SLC22A8: variants seen among roughly 807,000 people sequenced by gnomAD.
The protein encoded by SLC22A8 is solute carrier family 22 member 8, also known as organic anion transporter 3.
SLC22A8 carries 40 observed loss-of-function variants against 48.4 expected under a neutral mutation model. That is an observed-to-expected ratio of 0.83 (90% confidence interval 0.64 to 1.08). SLC22A8 has a LOEUF of 1.08. Among genes scored for constraint, SLC22A8 ranks in the 50% least tolerant of loss-of-function variants. The pLI is 0.00. For missense variants in SLC22A8, 606 were observed against 699.0 expected, an observed-to-expected ratio of 0.87 and a Z score of 1.50; for synonymous variants, 268 against 286.3, an observed-to-expected ratio of 0.94 and a Z score of 0.65.
At chr11:63,006,348 G>A (rs770427408) in intron 2 of SLC22A8, among the ~76,000 whole-genome samples, 33 of 152,044 alleles carry the variant, frequency 2.2e-4, no homozygotes, top group African/African-American at 3.4e-4. Context: ...TGTCAATATC[G>A]TCTTTTTGGA....
chr11:63,014,963 C>A lies in SLC22A8; in HGVS notation c.-5G>T. 1 of 1,539,768 alleles carries A rather than the reference C, an allele frequency of 6.5e-7. No individual in the cohort carries two copies. Among genetic ancestry groups the A allele is most frequent in the Non-Finnish European group, 8.8e-7 (1 of 1,138,214 alleles). Reference sequence around the variant, plus strand: ...CAGGATCTCCGAGAAGGTCATGGCACTGGGGCAAGACGAGCCAGAGCTGTG... The same window carrying A: ...CAGGATCTCCGAGAAGGTCATGGCAATGGGGCAAGACGAGCCAGAGCTGTG... On this transcript the variant is annotated 5_prime_UTR_variant, in exon 2 of 11. Coordinates refer to ENST00000336232, the MANE Select transcript of SLC22A8 (RefSeq NM_004254.4).
At chr11:63,006,249 C>A (rs995104069) in intron 2 of SLC22A8, among the ~76,000 whole-genome samples, 1 of 152,194 alleles carries the variant, frequency 6.6e-6, no homozygotes, top group Non-Finnish European at 1.5e-5. Context: ...GGTTACACTA[C>A]AGAAGCTCCA....
chr11:63,002,207 G>A (rs1470325520), intron 2 of SLC22A8, among the ~76,000 whole-genome samples: 1 of 152,000 alleles, frequency 6.6e-6, no homozygotes, highest in East Asian at 1.9e-4. Flanking sequence ...ACCACATCCA[G>A]CCTCTTTTTT....
intron 2 of SLC22A8, among the ~76,000 whole-genome samples, chr11:63,009,358 A>G (rs927385423): frequency 1.3e-5 from 2 of 152,032 alleles, no homozygotes; most frequent in African/African-American, 4.8e-5. Context: ...GCCTCCTTGG[A>G]GCAGTCTTCC....
intron 2 of SLC22A8, among the ~76,000 whole-genome samples, chr11:63,014,086 TG>T (rs1203638875): frequency 1.3e-5 from 2 of 152,112 alleles, no homozygotes; most frequent in Admixed American, 6.5e-5. Context: ...CCTCCCACCT[TG>T]GGGTCTTTGC....
At chr11:63,015,666 G>A (rs1189286345) in intron 1 of SLC22A8, 63 bp downstream of exon 1, 1 of 152,902 alleles carries the variant, frequency 6.5e-6, no homozygotes, top group Non-Finnish European at 1.5e-5. Context: ...GTGGAGCCTG[G>A]CCTTGGGAGA....
At chr11:63,007,529 T>C (rs369687811) in intron 2 of SLC22A8, among the ~76,000 whole-genome samples, 2 of 152,148 alleles carry the variant, frequency 1.3e-5, no homozygotes, top group South Asian at 2.1e-4. Flanking sequence ...TTTCACCATG[T>C]TGGACTAGGC....
chr11:62,995,445 G>A, intron 7 of SLC22A8: 2 of 535,164 alleles, frequency 3.7e-6, no homozygotes, highest in Non-Finnish European at 3.3e-6. Flanking sequence ...AGCTGGGGAA[G>A]GGGCCTGGAA....
rs2086468380 is a variant in SLC22A8, at chr11:62,999,756, A to G, written c.524T>C (p.Ile175Thr). 1.2e-6 allele frequency: 2 copies of G among 1,607,742 alleles called. No individual in the cohort carries two copies. The highest frequency in any genetic ancestry group is 1.7e-6 in the Non-Finnish European group (2 of 1,176,922). ...ACACAGGAAGCGGAAGACCATGTAG[A>G]TGGGGAAGGTGGGGCTGAAGGCTGC... The part of the protein sequence containing the change: ...SGAAFSPTFP[I>T]YMVFRFLCGF... The change falls in exon 4 of 11, where the codon ATC (isoleucine) becomes ACC (threonine). Residue 175 changes from isoleucine (I) to threonine (T), a missense_variant. Transcript: ENST00000336232.
intron 2 of SLC22A8, among the ~76,000 whole-genome samples, chr11:63,001,805 G>C (rs1454720965): frequency 6.6e-6 from 1 of 152,138 alleles, no homozygotes; most frequent in Non-Finnish European, 1.5e-5. Flanking sequence ...TCCCACTTGA[G>C]AACTCTGCCT....
chr11:62,999,421 AGT>A, intron 4 of SLC22A8: 1 of 472,588 alleles, frequency 2.1e-6, no homozygotes, highest in South Asian at 4.9e-5. Flanking sequence ...TGGGAATAAT[AGT>A]GTCACTTACT....
At chr11:63,012,772 G>A (rs114141252) in intron 2 of SLC22A8, among the ~76,000 whole-genome samples, 130 of 152,336 alleles carry the variant, frequency 8.5e-4, no homozygotes, top group African/African-American at 3.0e-3. Context: ...TTGAGAGCGG[G>A]TCTGCGTCTC....
chr11:62,992,845 T>C lies in SLC22A8; in HGVS notation c.*392A>G. 4.7e-6 allele frequency: 1 copy of C among 214,928 alleles called. No individual in the cohort carries two copies. Among genetic ancestry groups the C allele is most frequent in the Non-Finnish European group, 9.2e-6 (1 of 108,440 alleles). The allele number at this position is 214,928 out of a possible 1,614,324, so 13.3% of individuals were successfully genotyped here. A position where few individuals can be genotyped will look rare whatever the true frequency, so the allele number is the denominator to read the frequency against. On this transcript the variant is annotated 3_prime_UTR_variant, in exon 11 of 11. Coordinates refer to ENST00000336232, the MANE Select transcript of SLC22A8 (RefSeq NM_004254.4). ...TGGCTAGAGTTCTTATCGCTGTTTA[T>C]TGAAACCTCCCATCAAAGAAAAGTG...
At chr11:63,006,334 C>A (rs970729617) in intron 2 of SLC22A8, among the ~76,000 whole-genome samples, 2 of 152,114 alleles carry the variant, frequency 1.3e-5, no homozygotes, top group African/African-American at 4.8e-5. Flanking sequence ...TCCTTTGAAA[C>A]TCATGTCAAT....
intron 2 of SLC22A8, among the ~76,000 whole-genome samples, chr11:63,011,899 C>G (rs893666507): frequency 7.9e-5 from 12 of 152,304 alleles, no homozygotes; most frequent in African/African-American, 2.9e-4. Context: ...GCTGTCCTCT[C>G]TAGCTCCATG....
Position 62,993,273 on chromosome 11 carries a change from A to G in SLC22A8, c.1593T>C (p.Pro531=). The G allele has an allele frequency of 6.2e-7, 1 of 1,613,330 alleles. No homozygotes were observed. ...PEVEKASQRI[P]LQPHGPGLGS... The stretch of plus-strand genomic sequence containing the variant: ...CCAGGCCTGGTCCGTGAGGCTGTAG[A>G]GGGATCCTCTGGGAGGCCTTTTCCA... Residue 531 remains proline, a synonymous_variant, in exon 11 of 11, where the codon CCT becomes CCC. Transcript: ENST00000336232.
chr11:63,004,129 G>A (rs1356971633), intron 2 of SLC22A8, among the ~76,000 whole-genome samples: 2 of 152,190 alleles, frequency 1.3e-5, no homozygotes. Flanking sequence ...CTGCTGTCCT[G>A]CTCCACCATC....
At chr11:62,999,463 C>G in intron 4 of SLC22A8, 1 of 475,544 alleles carries the variant, frequency 2.1e-6, no homozygotes, top group Non-Finnish European at 3.7e-6. Context: ...GATTGTGTAC[C>G]TAGCAGAGTG....
Position 63,007,021 on chromosome 11 carries a change from G to C in SLC22A8, c.334-6198C>G, listed in dbSNP as rs913878041. 2.0e-5 allele frequency among the ~76,000 whole-genome samples: 3 copies of C among 152,154 alleles called. No homozygotes were observed. The South Asian group carries it at 6.2e-4, about 32-fold the overall frequency. On this transcript the variant is annotated intron_variant, in intron 2 of 10. Transcript: ENST00000336232. ...CTGGGAGAATTTTGGCATGCTTTCT[G>C]TACCAAGACCCTGAGGAGGCCCTGT...
Sources: allele counts gnomAD v4.1 joint callset (sites outside exome capture counted in the v4.1 genomes callset), GRCh38; gene constraint gnomAD v4.1.1; transcripts MANE v1.5; gene names NCBI Gene and HGNC (gene_info 2026-07-23, HGNC 2026-07-21).